SLC26A11: variants seen among roughly 807,000 people sequenced by gnomAD.
The protein encoded by SLC26A11 is solute carrier family 26 member 11.
SLC26A11 carries 58 observed loss-of-function variants against 62.2 expected under a neutral mutation model. The ratio of observed to expected loss-of-function variants is 0.93; its 90% CI spans 0.76 to 1.16. The LOEUF is 1.16. Among genes scored for constraint, SLC26A11 ranks in the 50% most tolerant of loss-of-function variants. The probability of loss-of-function intolerance (pLI) is 0.00; values close to 1 mark genes in which losing one functional copy is unlikely to be tolerated. For missense variants in SLC26A11, 790 were observed against 794.3 expected (o/e 0.99, Z 0.06); for synonymous variants, 411 against 368.9 (o/e 1.11, Z -1.31).
intron 7 of SLC26A11, among the ~76,000 whole-genome samples, chr17:80,230,126 C>T (rs926140802): frequency 8.9e-5 from 13 of 145,572 alleles, no homozygotes; most frequent in Non-Finnish European, 1.8e-4. Flanking sequence ...ACCCGGGAGG[C>T]GGAGGTTATA....
Position 80,221,539 on chromosome 17 carries a change from A to AC in SLC26A11, c.-13-3dup, listed in dbSNP as rs897619139. On this transcript the variant is annotated splice_polypyrimidine_tract_variant and intron_variant, in intron 2 of 17. Transcript: ENST00000361193. Reference sequence around the variant, plus strand: ...CTGACTGCTGGTCTGTGTCACCTGCACCCCCCAGCCCCACCGTAGAGATGC... The same window carrying AC: ...CTGACTGCTGGTCTGTGTCACCTGCACCCCCCCAGCCCCACCGTAGAGATGC... 7 of 1,535,148 alleles carry AC rather than the reference A, an allele frequency of 4.6e-6. No individual in the cohort carries two copies. The highest frequency in any genetic ancestry group is 1.9e-5 in the Admixed American group (1 of 51,476).
intron 14 of SLC26A11, 116 bp downstream of exon 14, chr17:80,248,373 C>T: frequency 7.0e-7 from 1 of 1,420,468 alleles, no homozygotes; most frequent in Non-Finnish European, 9.4e-7. Context: ...AAGGGGACCG[C>T]TCGCTGGCAG....
chr17:80,248,911 G>A (rs180727277), intron 15 of SLC26A11, among the ~76,000 whole-genome samples: 35 of 152,320 alleles, frequency 2.3e-4, no homozygotes, highest in African/African-American at 7.0e-4. Context: ...TCCTGTTTCT[G>A]GGGGGTTGAT....
At chr17:80,229,782 G>C (rs533588929) in intron 7 of SLC26A11, among the ~76,000 whole-genome samples, 7 of 152,182 alleles carry the variant, frequency 4.6e-5, no homozygotes, top group Admixed American at 1.3e-4. Flanking sequence ...GGGACCAGCA[G>C]CCTGGGCACT....
At chr17:80,224,304 T>G (rs112915012) in intron 5 of SLC26A11, among the ~76,000 whole-genome samples, 4 of 141,698 alleles carry the variant, frequency 2.8e-5, no homozygotes, top group Non-Finnish European at 6.0e-5. Context: ...TGTGCGTGTG[T>G]GTGTGAGAGA....
At position 80,230,193 on chromosome 17, in the gene SLC26A11, CAA is replaced by C. The variant is rs11338645; in HGVS notation, c.736+2251_736+2252del. 1.7e-3 allele frequency among the ~76,000 whole-genome samples: 154 copies of C among 91,014 alleles called. 1 individual carries two copies. The East Asian group carries it at 0.025, about 15-fold the overall frequency. 59.7% of individuals were successfully genotyped at this position (91,014 alleles called of 152,430 possible). ...CTGGCAACAGAGCGAGACTCCTTCT[CAA>C]AAAAAAAAAAAAAAAAAGTCAAAGT... On this transcript the variant is annotated intron_variant, in intron 7 of 17. Transcript: ENST00000361193.
In SLC26A11 at chr17:80,229,683, G is replaced by A. The variant is rs550369000; in HGVS notation, c.736+1723G>A. Among the ~76,000 whole-genome samples the A allele has an allele frequency of 9.2e-5, 14 of 152,256 alleles. 1 individual carries two copies. The South Asian group carries it at 2.9e-3, about 32-fold the overall frequency. ...GACCTCAAGTGATCCGCCCGCCTCA[G>A]CCTCCCAAAGTGCTGAGATTATAGG... On this transcript the variant is annotated intron_variant, in intron 7 of 17. Coordinates refer to ENST00000361193, the MANE Select transcript of SLC26A11 (RefSeq NM_001166347.2).
chr17:80,248,794 C>T (rs952186062), intron 15 of SLC26A11, 120 bp downstream of exon 15: 4 of 1,026,844 alleles, frequency 3.9e-6, no homozygotes, highest in African/African-American at 1.6e-5. Context: ...AGGATGCAGG[C>T]ATCTCTGAGT....
At chr17:80,250,409 A>G (rs2043125572) in intron 16 of SLC26A11, among the ~76,000 whole-genome samples, 1 of 152,184 alleles carries the variant, frequency 6.6e-6, no homozygotes, top group Admixed American at 6.5e-5. Context: ...TAATCTGCCC[A>G]CGGTCACACA....
intron 13 of SLC26A11, 57 bp from the exon 14 acceptor site, chr17:80,248,073 G>T: frequency 6.5e-7 from 1 of 1,531,726 alleles, no homozygotes; most frequent in Non-Finnish European, 8.8e-7. Flanking sequence ...GGTCAGCAGG[G>T]CCATGTTGGG....
intron 10 of SLC26A11, 101 bp from the exon 11 acceptor site, chr17:80,245,095 C>T: frequency 9.3e-7 from 1 of 1,075,028 alleles, no homozygotes; most frequent in Non-Finnish European, 1.4e-6. Flanking sequence ...CGAGCCCTGC[C>T]TTCCTGCCTC....
Position 80,221,577 on chromosome 17 carries a change from C to CGGCGCT in SLC26A11, c.20_25dup (p.Ala7_Leu8dup). The stretch of plus-strand genomic sequence containing the variant: ...ACCGTAGAGATGCCTTCTTCGGTGA[C>CGGCGCT]GGCGCTGGGTCAGGCCAGGTCCTCT... On this transcript the variant is annotated inframe_insertion, in exon 3 of 18. Coordinates refer to ENST00000361193, the MANE Select transcript of SLC26A11 (RefSeq NM_001166347.2). The CGGCGCT allele has an allele frequency of 6.3e-7, 1 of 1,597,030 alleles. No individual in the cohort carries two copies. Among genetic ancestry groups the CGGCGCT allele is most frequent in the South Asian group, 1.1e-5 (1 of 90,268 alleles).
Position 80,248,334 on chromosome 17 carries a change from C to T in SLC26A11, c.1422+77C>T, listed in dbSNP as rs931463170. Reference sequence around the variant, plus strand: ...GGCATGGTCTTATGTTTTGAGGGTCCGGGGTGATTGTGGTCGTGGGTGCTG... The same window carrying T: ...GGCATGGTCTTATGTTTTGAGGGTCTGGGGTGATTGTGGTCGTGGGTGCTG... On this transcript the variant is annotated intron_variant, in intron 14 of 17. Transcript: ENST00000361193. 2.2e-5 allele frequency: 33 copies of T among 1,516,926 alleles called. No homozygotes were observed. The East Asian group carries it at 3.3e-4, about 15-fold the overall frequency. 94.0% of individuals were successfully genotyped at this position (1,516,926 alleles called of 1,614,324 possible).
chr17:80,240,614 C>G (rs922252986), intron 9 of SLC26A11, among the ~76,000 whole-genome samples: 16 of 151,658 alleles, frequency 1.1e-4, no homozygotes, highest in African/African-American at 3.6e-4. Context: ...ACAAGCCTGA[C>G]CAACATGGTG....
In SLC26A11 at chr17:80,246,003, T is replaced by A. The variant is rs1300337362; in HGVS notation, c.1098-151T>A. 2.2e-6 allele frequency: 2 copies of A among 893,240 alleles called. No homozygotes were observed. The highest frequency in any genetic ancestry group is 3.7e-6 in the Non-Finnish European group (2 of 546,008). 55.3% of individuals were successfully genotyped at this position (893,240 alleles called of 1,614,324 possible). A position where few individuals can be genotyped will look rare whatever the true frequency, so the allele number is the denominator to read the frequency against. On this transcript the variant is annotated intron_variant, in intron 11 of 17. Transcript: ENST00000361193. The surrounding 1 kb of genome is among the most constrained non-coding windows in gnomAD (Gnocchi z 4.4). ...CGGCTGTCTGTGACTGCACCCTAAG[T>A]CTCTTTGCCTCGGTCCCCTTGCAGT...
intron 6 of SLC26A11, among the ~76,000 whole-genome samples, chr17:80,226,779 G>C (rs2042425298): frequency 6.6e-6 from 1 of 152,198 alleles, no homozygotes; most frequent in Non-Finnish European, 1.5e-5. Flanking sequence ...GGGAAGGCAG[G>C]ATGCCTCTCT....
At position 80,221,425 on chromosome 17, in the gene SLC26A11, C is replaced by G; in HGVS notation, c.-13-123C>G. The G allele has an allele frequency of 4.5e-6, 3 of 669,056 alleles. No homozygotes were observed. In the South Asian group the frequency reaches 5.9e-5, roughly 13 times the overall value. The allele number at this position is 669,056 out of a possible 1,614,324, so 41.4% of individuals were successfully genotyped here. On this transcript the variant is annotated intron_variant, in intron 2 of 17. Transcript: ENST00000361193. The stretch of plus-strand genomic sequence containing the variant: ...TTGTTGGCTTCCTCTTAGAGCCGTT[C>G]GCCCCCCTGGGGAGGGGAGACCCAT...
chr17:80,222,928 C>A lies in SLC26A11; in HGVS notation c.427+81C>A. 8.4e-7 allele frequency: 1 copy of A among 1,186,852 alleles called. No homozygotes were observed. The highest frequency in any genetic ancestry group is 1.1e-6 in the Non-Finnish European group (1 of 899,738). 73.5% of individuals were successfully genotyped at this position (1,186,852 alleles called of 1,614,324 possible). A position where few individuals can be genotyped will look rare whatever the true frequency, so the allele number is the denominator to read the frequency against. On this transcript the variant is annotated intron_variant, in intron 4 of 17. Transcript: ENST00000361193. This position sits in a 1 kb window ranked among gnomAD's most constrained non-coding sequence, Gnocchi z 4.7. ...TGCATTTCAAGTCTATCCCCGTGTG[C>A]GTGTGTGTGCGTGTTGGGGTGTGGG...
rs1312531763 is a variant in SLC26A11 at position 80,223,856 on chromosome 17, A to G, written c.513+519A>G. On this transcript the variant is annotated intron_variant, in intron 5 of 17. Coordinates refer to ENST00000361193, the MANE Select transcript of SLC26A11 (RefSeq NM_001166347.2). This position sits in a 1 kb window ranked among gnomAD's most constrained non-coding sequence, Gnocchi z 4.6. The stretch of plus-strand genomic sequence containing the variant: ...TTTATAATAAGTACTAAAATCAGTC[A>G]TCAGCTGAGGGTGTAATTTATTCTG... 6.6e-6 allele frequency among the ~76,000 whole-genome samples: 1 copy of G among 152,140 alleles called. No homozygotes were observed. The highest frequency in any genetic ancestry group is 2.4e-5 in the African/African-American group (1 of 41,436).
Sources: allele counts gnomAD v4.1 joint callset (sites outside exome capture counted in the v4.1 genomes callset), GRCh38; gene constraint gnomAD v4.1.1; non-coding constraint Gnocchi (gnomAD v3.1); transcripts MANE v1.5; gene names NCBI Gene and HGNC (gene_info 2026-07-23, HGNC 2026-07-21).